The following PREX2 variants were observed in gnomAD, a reference collection of about 807,000 sequenced individuals.
PREX2 encodes the protein phosphatidylinositol-3,4,5-trisphosphate dependent Rac exchange factor 2.
Under a neutral mutation model 203.2 loss-of-function variants are expected in PREX2, and 107 were observed. That is an observed-to-expected ratio of 0.53 (90% CI 0.45 to 0.62). The LOEUF (loss-of-function observed/expected upper bound fraction) is 0.62, where lower values mean the gene tolerates loss of function less well. Among genes scored for constraint, PREX2 ranks in the 20% least tolerant of loss-of-function variants. The pLI is 0.00. For missense variants in PREX2, 1,777 were observed against 1,955.9 expected, an observed-to-expected ratio of 0.91 and a Z score of 1.72; for synonymous variants, 672 against 663.6, an observed-to-expected ratio of 1.01 and a Z score of -0.19.
chr8:68,022,099 C>A lies in PREX2; in HGVS notation c.400C>A (p.Leu134Ile), dbSNP rs1423317895. 3.2e-6 allele frequency: 5 copies of A among 1,574,140 alleles called. No homozygotes were observed. In the African/African-American group the frequency reaches 5.4e-5, roughly 17 times the overall value. The stretch of plus-strand genomic sequence containing the variant: ...CCATGAGAAGGCACAAAAATTACTT[C>A]TTGAACTCAACAAAATAAGAACAAT... ...SNHEKAQKLL[L>I]ELNKIRTIRT... Residue 134 changes from leucine (L) to isoleucine (I), a missense_variant, in exon 4 of 40, where the codon CTT becomes ATT. Coordinates refer to ENST00000288368, the MANE Select transcript of PREX2 (RefSeq NM_024870.4).
chr8:67,975,279 T>G (rs1236558835), intron 1 of PREX2, among the ~76,000 whole-genome samples: 1 of 64,494 alleles, frequency 1.6e-5, no homozygotes. Context: ...CCTGTTTTTT[T>G]TTTTTTTTTT....
intron 1 of PREX2, among the ~76,000 whole-genome samples, chr8:67,975,272 GTTTTTTT>G (rs75276095): frequency 0.38 from 36,467 of 96,824 alleles, 6,160 homozygotes; most frequent in South Asian, 0.56. Context: ...CACACGGCCT[GTTTTTTT>G]TTTTTTTTTT....
At chr8:68,077,493 C>T (rs1341791962) in intron 15 of PREX2, 24 bp downstream of exon 15, 12 of 1,528,064 alleles carry the variant, frequency 7.9e-6, no homozygotes, top group Non-Finnish European at 1.1e-5. Flanking sequence ...ACCCTGGGAG[C>T]TTACAGATGT....
intron 13 of PREX2, among the ~76,000 whole-genome samples, chr8:68,071,431 G>A (rs1809192388): frequency 6.6e-6 from 1 of 152,090 alleles, no homozygotes; most frequent in Non-Finnish European, 1.5e-5. Flanking sequence ...TGGGTGATGA[G>A]GTGTCAGAAA....
At chr8:68,144,458 G>A (rs1811287326) in intron 33 of PREX2, among the ~76,000 whole-genome samples, 1 of 152,002 alleles carries the variant, frequency 6.6e-6, no homozygotes, top group African/African-American at 2.4e-5. Flanking sequence ...TAATATAAAT[G>A]GTATTATGTT....
chr8:67,969,152 T>A (rs113821529), intron 1 of PREX2, among the ~76,000 whole-genome samples: 75 of 152,070 alleles, frequency 4.9e-4, no homozygotes, highest in African/African-American at 1.7e-3. Flanking sequence ...AAGAGCACAG[T>A]GTTTGGTTGG....
intron 31 of PREX2, among the ~76,000 whole-genome samples, chr8:68,132,015 T>A (rs1220808372): frequency 6.6e-6 from 1 of 152,198 alleles, no homozygotes; most frequent in Non-Finnish European, 1.5e-5. Flanking sequence ...CAATTTATTT[T>A]ACTTATTTAG....
chr8:67,955,660 T>C (rs1805478986), intron 1 of PREX2, among the ~76,000 whole-genome samples: 1 of 152,206 alleles, frequency 6.6e-6, no homozygotes, highest in African/African-American at 2.4e-5. Context: ...GACAGGGACA[T>C]ACCACCTTGT....
intron 35 of PREX2, among the ~76,000 whole-genome samples, chr8:68,175,762 G>A (rs895001954): frequency 5.0e-4 from 76 of 152,110 alleles, no homozygotes; most frequent in African/African-American, 1.7e-3. Context: ...AAATGCATTA[G>A]CAGCCATATT....
At chr8:68,193,112 T>C (rs1049096526) in intron 37 of PREX2, among the ~76,000 whole-genome samples, 3 of 152,186 alleles carry the variant, frequency 2.0e-5, no homozygotes, top group African/African-American at 7.2e-5. Flanking sequence ...GGCATAAAAA[T>C]TCCTGTAGAT....
At chr8:68,097,339 T>A (rs1810115615) in intron 22 of PREX2, 138 bp downstream of exon 22, 1 of 695,672 alleles carries the variant, frequency 1.4e-6, no homozygotes, top group Non-Finnish European at 2.3e-6. Flanking sequence ...TTTTTTTTTT[T>A]CTTGAGACAG....
intron 37 of PREX2, among the ~76,000 whole-genome samples, chr8:68,194,437 C>T (rs932445049): frequency 6.6e-6 from 1 of 151,860 alleles, no homozygotes; most frequent in African/African-American, 2.4e-5. Context: ...TATTTTAATG[C>T]CAACCTGAAT....
intron 35 of PREX2, among the ~76,000 whole-genome samples, chr8:68,185,559 C>G (rs551747958): frequency 2.0e-5 from 3 of 152,176 alleles, no homozygotes; most frequent in Non-Finnish European, 4.4e-5. Context: ...ACTTCCCTGT[C>G]TTGCATTATA....
intron 30 of PREX2, 101 bp from the exon 31 acceptor site, chr8:68,127,277 C>A: frequency 1.1e-6 from 1 of 874,680 alleles, no homozygotes; most frequent in South Asian, 1.8e-5. Flanking sequence ...TTGCATGAAC[C>A]TAGTCCAATA....
chr8:67,962,541 A>T (rs962260857), intron 1 of PREX2, among the ~76,000 whole-genome samples: 1 of 151,588 alleles, frequency 6.6e-6, no homozygotes, highest in Non-Finnish European at 1.5e-5. Flanking sequence ...TCTATACTGT[A>T]TAACTATGTC....
intron 14 of PREX2, 74 bp from the exon 15 acceptor site, chr8:68,077,323 A>C: frequency 1.0e-6 from 1 of 999,716 alleles, no homozygotes; most frequent in Non-Finnish European, 1.6e-6. Flanking sequence ...GGTGCTGGGA[A>C]TGTTAAATGG....
chr8:68,185,335 T>C (rs1348468296), intron 35 of PREX2, among the ~76,000 whole-genome samples: 3 of 152,210 alleles, frequency 2.0e-5, no homozygotes, highest in African/African-American at 7.2e-5. Context: ...TCTCTCTCTC[T>C]ACCTTACATG....
intron 11 of PREX2, among the ~76,000 whole-genome samples, chr8:68,061,228 C>T (rs935193495): frequency 6.6e-6 from 1 of 152,158 alleles, no homozygotes; most frequent in Non-Finnish European, 1.5e-5. Context: ...CTTTGGGCAC[C>T]GGCACAGAGC....
chr8:68,074,392 A>G (rs1368212832), intron 14 of PREX2, among the ~76,000 whole-genome samples: 2 of 152,212 alleles, frequency 1.3e-5, no homozygotes, highest in Non-Finnish European at 2.9e-5. Context: ...GCTAGTAACT[A>G]GTTATATAAA....
Sources: allele counts gnomAD v4.1 joint callset (sites outside exome capture counted in the v4.1 genomes callset), GRCh38; gene constraint gnomAD v4.1.1; transcripts MANE v1.5; gene names NCBI Gene and HGNC (gene_info 2026-07-23, HGNC 2026-07-21).